CSMD1: variants seen among roughly 807,000 people sequenced by gnomAD.
CSMD1 encodes CUB and sushi domain-containing protein 1.
CSMD1 carries 213 observed loss-of-function variants against 417.5 expected under a neutral mutation model. The observed-to-expected ratio is 0.51, with a 90% CI of 0.46 to 0.57. The LOEUF (loss-of-function observed/expected upper bound fraction) is 0.57. CSMD1 is among the 20% of genes least tolerant of loss of function. The pLI, the probability that CSMD1 is intolerant of heterozygous loss-of-function variation, is 0.00. For missense variants in CSMD1, 6,923 were observed against 4,529.7 expected (o/e 1.53, Z -15.17); for synonymous variants, 2,862 against 1,736.8 (o/e 1.65, Z -16.11).
chr8:4,125,698 G>A (rs573824095), intron 3 of CSMD1, among the ~76,000 whole-genome samples: 1 of 152,110 alleles, frequency 6.6e-6, no homozygotes, highest in Non-Finnish European at 1.5e-5. Flanking sequence ...CTGGGCATAG[G>A]CTGAACTAAA....
At chr8:4,408,822 G>T (rs1436949467) in intron 3 of CSMD1, among the ~76,000 whole-genome samples, 1 of 152,112 alleles carries the variant, frequency 6.6e-6, no homozygotes, top group East Asian at 1.9e-4. Context: ...AATAAAGGGG[G>T]AAACCTTTTA....
intron 1 of CSMD1, among the ~76,000 whole-genome samples, chr8:4,929,151 A>C (rs1807068842): frequency 6.6e-6 from 1 of 152,194 alleles, no homozygotes; most frequent in Admixed American, 6.5e-5. Flanking sequence ...AGATGTGGAC[A>C]CACAGAGAAA....
intron 7 of CSMD1, among the ~76,000 whole-genome samples, chr8:3,699,814 A>G (rs910501216): frequency 6.6e-6 from 1 of 152,080 alleles, no homozygotes; most frequent in Non-Finnish European, 1.5e-5. Flanking sequence ...TAATTGAAGA[A>G]AAACATGAGC....
At chr8:4,826,062 G>A (rs1339173734) in intron 1 of CSMD1, among the ~76,000 whole-genome samples, 1 of 151,854 alleles carries the variant, frequency 6.6e-6, no homozygotes, top group Non-Finnish European at 1.5e-5. Context: ...CAGCCATTGT[G>A]GAAAACAATA....
At chr8:3,486,166 G>C (rs961160446) in intron 11 of CSMD1, among the ~76,000 whole-genome samples, 2 of 152,142 alleles carry the variant, frequency 1.3e-5, no homozygotes, top group African/African-American at 2.4e-5. Flanking sequence ...ATTTGATTCT[G>C]AACATGGCAG....
chr8:4,232,602 G>T (rs1203409593), intron 3 of CSMD1, among the ~76,000 whole-genome samples: 1 of 152,164 alleles, frequency 6.6e-6, no homozygotes, highest in Non-Finnish European at 1.5e-5. Flanking sequence ...CCTAACCACA[G>T]TGTCATGTCT....
intron 1 of CSMD1, among the ~76,000 whole-genome samples, chr8:4,702,017 CA>C (rs1165169379): frequency 6.6e-6 from 1 of 152,154 alleles, no homozygotes; most frequent in Non-Finnish European, 1.5e-5. Flanking sequence ...AACAGAAAAC[CA>C]AACACCGCAT....
intron 1 of CSMD1, among the ~76,000 whole-genome samples, chr8:4,755,041 G>A (rs527557149): frequency 6.6e-6 from 1 of 152,082 alleles, no homozygotes; most frequent in Non-Finnish European, 1.5e-5. Flanking sequence ...GGGAGGCTGA[G>A]GCAGAAGAAT....
intron 3 of CSMD1, among the ~76,000 whole-genome samples, chr8:4,044,447 G>A (rs1294952877): frequency 6.6e-6 from 1 of 152,104 alleles, no homozygotes; most frequent in Non-Finnish European, 1.5e-5. Flanking sequence ...CATAAAAGCT[G>A]CTTAACTCGA....
intron 30 of CSMD1, among the ~76,000 whole-genome samples, chr8:3,213,645 A>C (rs12680724): frequency 0.52 from 78,222 of 151,038 alleles, 21,222 homozygotes; most frequent in Non-Finnish European, 0.61. Flanking sequence ...TTTTCTCTCT[A>C]TATATATACA....
intron 3 of CSMD1, among the ~76,000 whole-genome samples, chr8:4,263,778 TTACTC>T (rs1275026112): frequency 1.3e-5 from 2 of 152,164 alleles, no homozygotes; most frequent in Non-Finnish European, 2.9e-5. Flanking sequence ...ATGAAAATCT[TTACTC>T]CAATTGTGAC....
At chr8:4,628,870 T>C (rs959630131) in intron 2 of CSMD1, among the ~76,000 whole-genome samples, 13 of 152,170 alleles carry the variant, frequency 8.5e-5, no homozygotes, top group African/African-American at 3.1e-4. Context: ...GATGGTGTTT[T>C]ATTATGAGTT....
intron 36 of CSMD1, among the ~76,000 whole-genome samples, chr8:3,181,844 C>T (rs1374823742): frequency 2.6e-5 from 4 of 152,084 alleles, no homozygotes; most frequent in Non-Finnish European, 4.4e-5. Context: ...ATACAGATAC[C>T]GAGGACCAGG....
intron 46 of CSMD1, among the ~76,000 whole-genome samples, chr8:3,103,669 G>C (rs112715846): frequency 0.012 from 1,836 of 151,956 alleles, 33 homozygotes; most frequent in African/African-American, 0.04. Flanking sequence ...TCTGCTCTTG[G>C]CTTGTCATGA....
intron 1 of CSMD1, among the ~76,000 whole-genome samples, chr8:4,802,901 G>T (rs1798382361): frequency 6.6e-6 from 1 of 152,170 alleles, no homozygotes; most frequent in African/African-American, 2.4e-5. Flanking sequence ...TTCAAATCGT[G>T]TGACATTAAC....
At chr8:4,435,973 T>A (rs1404341725) in intron 2 of CSMD1, among the ~76,000 whole-genome samples, 3 of 152,174 alleles carry the variant, frequency 2.0e-5, no homozygotes, top group Non-Finnish European at 2.9e-5. Flanking sequence ...CACATCACCA[T>A]CTACTTTTCT....
At chr8:3,514,691 T>C (rs948594810) in intron 10 of CSMD1, among the ~76,000 whole-genome samples, 1 of 152,212 alleles carries the variant, frequency 6.6e-6, no homozygotes, top group Non-Finnish European at 1.5e-5. Context: ...AGGTATCTTT[T>C]GTTAATATCA....
At chr8:3,169,704 T>A (rs557532531) in intron 37 of CSMD1, among the ~76,000 whole-genome samples, 1 of 145,622 alleles carries the variant, frequency 6.9e-6, no homozygotes, top group South Asian at 2.4e-4. Context: ...GCCCGCTGAG[T>A]CTAGAGCTAG....
intron 3 of CSMD1, among the ~76,000 whole-genome samples, chr8:4,243,675 A>T (rs555489061): frequency 1.3e-5 from 2 of 152,232 alleles, no homozygotes; most frequent in South Asian, 2.1e-4. Flanking sequence ...TTGCAACTTA[A>T]TTTTTGATTA....
Sources: gnomAD v4.1 joint callset for allele counts (sites outside exome capture counted in the v4.1 genomes callset) on GRCh38, gnomAD v4.1.1 for gene constraint, MANE v1.5 for transcripts, NCBI Gene and HGNC (gene_info 2026-07-23, HGNC 2026-07-21) for gene names.